Variants in CARNMT1 observed in about 807,000 individuals in gnomAD.
CARNMT1 encodes the protein carnosine N-methyltransferase 1, also known as protein-L-histidine N-pros-methyltransferase CARNMT1.
Under a neutral mutation model 49.6 loss-of-function variants are expected in CARNMT1, and 28 were observed. The ratio of observed to expected loss-of-function variants is 0.56; its 90% confidence interval spans 0.42 to 0.77. The LOEUF is 0.77. Among genes scored for constraint, CARNMT1 ranks in the 30% least tolerant of loss-of-function variants. CARNMT1 has a pLI of 0.00. For synonymous variants in CARNMT1, 178 were observed against 175.0 expected, an observed-to-expected ratio of 1.02 and a Z score of -0.13; for missense variants, 421 against 512.6, an observed-to-expected ratio of 0.82 and a Z score of 1.73.
chr9:74,988,477 A>G (rs1202183399), intron 6 of CARNMT1, among the ~76,000 whole-genome samples: 1 of 152,154 alleles, frequency 6.6e-6, no homozygotes, highest in Non-Finnish European at 1.5e-5. Flanking sequence ...TTTCTAGAAA[A>G]TAGTTTTACT....
chr9:75,000,393 G>C (rs1833318774), intron 3 of CARNMT1, among the ~76,000 whole-genome samples: 1 of 152,118 alleles, frequency 6.6e-6, no homozygotes, highest in Non-Finnish European at 1.5e-5. Context: ...ATTTGGGGGA[G>C]GGGATATTTT....
rs115579362 is a variant in CARNMT1, at chr9:75,025,461, C to T, written c.230+2551G>A. On this transcript the variant is annotated intron_variant, in intron 1 of 7. Coordinates refer to ENST00000376834, the MANE Select transcript of CARNMT1 (RefSeq NM_152420.3). The stretch of plus-strand genomic sequence containing the variant: ...TACATCTTTGCTTGTTTACATTTAT[C>T]TCAATTGCAAATAGCTCCATGTAAG... 5.0e-3 allele frequency among the ~76,000 whole-genome samples: 755 copies of T among 152,256 alleles called. 7 individuals carry two copies. Among genetic ancestry groups the T allele is most frequent in the African/African-American group, 0.017 (698 of 41,544 alleles).
chr9:74,999,966 A>ACAGGTATTTAATTTATT, intron 3 of CARNMT1, 96 bp from the exon 4 acceptor site: 1 of 1,132,186 alleles, frequency 8.8e-7, no homozygotes. Flanking sequence ...CATTTACTCA[A>ACAGGTATTTAATTTATT]TAAGAATAAG....
upstream of CARNMT1, chr9:75,028,392 C>A (rs965976773): frequency 7.0e-6 from 9 of 1,293,408 alleles, no homozygotes; most frequent in South Asian, 2.0e-4. Flanking sequence ...GGCCTCCATC[C>A]GCGCTGGGCT....
Position 74,982,144 on chromosome 9 carries a change from TCCC to T in CARNMT1, c.*1620_*1622del, listed in dbSNP as rs1478780549. The stretch of plus-strand genomic sequence containing the variant: ...GTCCCATCACTGTACACGGAAAAGG[TCCC>T]CCCAACTAGTAAGATGCCAAATAGG... On this transcript the variant is annotated 3_prime_UTR_variant, in exon 8 of 8. Coordinates refer to ENST00000376834, the MANE Select transcript of CARNMT1 (RefSeq NM_152420.3). The T allele has an allele frequency of 6.6e-6, 1 of 151,482 alleles. No individual in the cohort carries two copies. Among genetic ancestry groups the T allele is most frequent in the Non-Finnish European group, 1.5e-5 (1 of 67,888 alleles). 9.4% of individuals were successfully genotyped at this position (151,482 alleles called of 1,614,324 possible). A position where few individuals can be genotyped will look rare whatever the true frequency, so the allele number is the denominator to read the frequency against.
chr9:75,010,030 T>C (rs991999391), intron 3 of CARNMT1: 2 of 151,426 alleles, frequency 1.3e-5, no homozygotes, highest in African/African-American at 2.4e-5. Flanking sequence ...TGCATGTATA[T>C]GTAAGTGCTA....
At chr9:74,996,595 T>A (rs765490812) in intron 5 of CARNMT1, 35 bp from the exon 6 acceptor site, 1 of 1,240,318 alleles carries the variant, frequency 8.1e-7, no homozygotes, top group Non-Finnish European at 1.1e-6. Flanking sequence ...GCATCTGTTA[T>A]GTTATTTTGC....
rs927672764 is a variant in CARNMT1 at position 74,981,067 on chromosome 9, T to C, written c.*2700A>G. On this transcript the variant is annotated 3_prime_UTR_variant, in exon 8 of 8. Transcript: ENST00000376834. The stretch of plus-strand genomic sequence containing the variant: ...TAATATTCAAGAAAAATTAATTTCA[T>C]CATACACATTAAAAATATAGGAAAT... The C allele has an allele frequency of 2.6e-5, 4 of 152,162 alleles. No homozygotes were observed. Among genetic ancestry groups the C allele is most frequent in the African/African-American group, 7.2e-5 (3 of 41,458 alleles). 9.4% of individuals were successfully genotyped at this position (152,162 alleles called of 1,614,324 possible). A position where few individuals can be genotyped will look rare whatever the true frequency, so the allele number is the denominator to read the frequency against.
At chr9:75,026,187 G>A (rs10869473) in intron 1 of CARNMT1, among the ~76,000 whole-genome samples, 38,670 of 151,880 alleles carry the variant, frequency 0.25, 6,326 homozygotes, top group Non-Finnish European at 0.37. Context: ...CCAACATTAC[G>A]CTGGTAAAGA....
In CARNMT1 at chr9:75,017,361, A is replaced by G; in HGVS notation, c.318T>C (p.Leu106=). Residue 106 remains leucine (L), a synonymous_variant, in exon 2 of 8, where the codon CTT becomes CTC. Coordinates refer to ENST00000376834, the MANE Select transcript of CARNMT1 (RefSeq NM_152420.3). ...ANQQKLLPQF[L]LHLDKIRKCI... ...ATTTCCGGATCTTGTCCAAGTGAAGAAGAAACTGAGGAAGTAGTTTCTGTT... is the reference window on the plus strand; with the variant it reads ...ATTTCCGGATCTTGTCCAAGTGAAGGAGAAACTGAGGAAGTAGTTTCTGTT... The G allele has an allele frequency of 1.5e-5, 25 of 1,614,018 alleles. No homozygotes were observed. The highest frequency in any genetic ancestry group is 2.0e-5 in the Non-Finnish European group (24 of 1,179,872).
At chr9:74,983,948 A>T (rs1040283104) in intron 7 of CARNMT1, 80 bp from the exon 8 acceptor site, 8 of 834,120 alleles carry the variant, frequency 9.6e-6, no homozygotes, top group Non-Finnish European at 1.5e-5. Flanking sequence ...CATATGTATC[A>T]GTGGCAGGCA....
intron 1 of CARNMT1, chr9:75,027,315 T>G: frequency 1.4e-6 from 1 of 717,512 alleles, no homozygotes; most frequent in Non-Finnish European, 1.7e-6. Flanking sequence ...CAGGGAGAAT[T>G]AGATACAGAT....
At chr9:75,023,095 T>C (rs1363511233) in intron 1 of CARNMT1, among the ~76,000 whole-genome samples, 3 of 150,804 alleles carry the variant, frequency 2.0e-5, no homozygotes, top group African/African-American at 7.3e-5. Flanking sequence ...TGAGTTGAGA[T>C]TGTGCCACTG....
chr9:75,019,241 A>T (rs930371419), intron 1 of CARNMT1, among the ~76,000 whole-genome samples: 3 of 152,200 alleles, frequency 2.0e-5, no homozygotes, highest in Non-Finnish European at 4.4e-5. Context: ...GGTTTTTATT[A>T]ACCCTATATA....
At chr9:75,019,630 T>G (rs570373975) in intron 1 of CARNMT1, among the ~76,000 whole-genome samples, 2 of 152,312 alleles carry the variant, frequency 1.3e-5, no homozygotes, top group African/African-American at 4.8e-5. Context: ...AAGCATTCCT[T>G]TCTACTTACC....
chr9:75,022,257 T>C (rs1020375328), intron 1 of CARNMT1, among the ~76,000 whole-genome samples: 5 of 124,636 alleles, frequency 4.0e-5, no homozygotes, highest in African/African-American at 1.5e-4. Flanking sequence ...GGAGTCTCAC[T>C]CTGTCACCTA....
chr9:75,015,844 C>T (rs1433489505), intron 3 of CARNMT1: 1 of 151,118 alleles, frequency 6.6e-6, no homozygotes, highest in Non-Finnish European at 1.5e-5. Flanking sequence ...TTCTGAAAAG[C>T]AGACCATGGG....
At chr9:75,024,688 G>A (rs1822472993) in intron 1 of CARNMT1, among the ~76,000 whole-genome samples, 1 of 152,100 alleles carries the variant, frequency 6.6e-6, no homozygotes, top group African/African-American at 2.4e-5. Flanking sequence ...GACATTCCTT[G>A]CTTTATGACC....
At chr9:75,010,001 G>A (rs1417818851) in intron 3 of CARNMT1, 1 of 151,280 alleles carries the variant, frequency 6.6e-6, no homozygotes, top group Non-Finnish European at 1.5e-5. Context: ...GGTACAGACA[G>A]AGTATATGTG....
Sources: allele counts gnomAD v4.1 joint callset (sites outside exome capture counted in the v4.1 genomes callset), GRCh38; gene constraint gnomAD v4.1.1; transcripts MANE v1.5; gene names NCBI Gene and HGNC (gene_info 2026-07-23, HGNC 2026-07-21).